The following SDSL variants were observed in gnomAD, a reference collection of about 807,000 sequenced individuals.
SDSL encodes the protein serine dehydratase-like.
SDSL carries 26 observed loss-of-function variants against 27.6 expected under a neutral mutation model. The observed-to-expected ratio is 0.94, with a 90% CI of 0.69 to 1.31. SDSL has a LOEUF of 1.31. SDSL is among the 50% of genes most tolerant of loss of function. The pLI, the probability that SDSL is intolerant of heterozygous loss-of-function variation, is 0.00. For synonymous variants in SDSL, 196 were observed against 180.6 expected, an observed-to-expected ratio of 1.09 and a Z score of -0.69; for missense variants, 431 against 423.5, an observed-to-expected ratio of 1.02 and a Z score of -0.16.
intron 1 of SDSL, chr12:113,426,015 C>G (rs917172846): frequency 7.8e-6 from 3 of 383,184 alleles, no homozygotes; most frequent in African/African-American, 6.3e-5. Flanking sequence ...CCAACACCAC[C>G]ACCACCTCCA....
At position 113,429,278 on chromosome 12, in the gene SDSL, C is replaced by G. The variant is rs758385489; in HGVS notation, c.333C>G (p.Ala111=). 1 of 1,611,470 alleles carries G rather than the reference C, an allele frequency of 6.2e-7. No homozygotes were observed. The highest frequency in any genetic ancestry group is 8.5e-7 in the Non-Finnish European group (1 of 1,178,044). ...TGCAGAGGCTGCAGGGGGAGGGGGC[C>G]GAGGTTCAGCTGACTGGAAAGGTAA... ...QVVQRLQGEG[A]EVQLTGKVWD... Residue 111 remains alanine (A), a synonymous_variant, in exon 4 of 8, where the codon GCC becomes GCG. Transcript: ENST00000403593.
At chr12:113,432,268 CTTTCTTTCTTTCTTTCTTTCTT>C (rs1404922968) in intron 4 of SDSL, among the ~76,000 whole-genome samples, 107 of 140,506 alleles carry the variant, frequency 7.6e-4, no homozygotes, top group Middle Eastern at 3.6e-3. Flanking sequence ...TTCTTTCTTT[CTTTCTTTCTTTCTTTCTTTCTT>C]TCTCTCTCTC....
chr12:113,435,204 G>A (rs1957972733), intron 5 of SDSL, 125 bp from the exon 6 acceptor site: 1 of 576,902 alleles, frequency 1.7e-6, no homozygotes, highest in Admixed American at 3.3e-5. Flanking sequence ...GATGGGGATG[G>A]TGGGGAGGGG....
At chr12:113,422,830 G>C (rs1356048904) in intron 1 of SDSL, 1 of 152,334 alleles carries the variant, frequency 6.6e-6, no homozygotes, top group African/African-American at 2.4e-5. Flanking sequence ...GAAAGGCTTT[G>C]GGGACAAGTG....
At chr12:113,426,008 ACAC>A in intron 1 of SDSL, 3 of 381,174 alleles carry the variant, frequency 7.9e-6, no homozygotes, top group Admixed American at 3.0e-5. Context: ...ACCACCACCA[ACAC>A]CACCACCACC....
In SDSL at chr12:113,426,039, A is replaced by G. The variant is rs553479520; in HGVS notation, c.-21-1923A>G. 1.1e-4 allele frequency: 42 copies of G among 398,080 alleles called. 1 individual carries two copies. Among genetic ancestry groups the G allele is most frequent in the South Asian group, 7.5e-4 (41 of 54,746 alleles). 24.7% of individuals were successfully genotyped at this position (398,080 alleles called of 1,614,324 possible). On this transcript the variant is annotated intron_variant, in intron 1 of 7. Coordinates refer to ENST00000403593, the MANE Select transcript of SDSL (RefSeq NM_001304993.2). ...CCACCACCTCCACCACCACCTCCCAATGGCTTTCCATTGCAGGTAGAATTT... is the reference window on the plus strand; with the variant it reads ...CCACCACCTCCACCACCACCTCCCAGTGGCTTTCCATTGCAGGTAGAATTT...
intron 4 of SDSL, among the ~76,000 whole-genome samples, chr12:113,431,407 G>A (rs1450629721): frequency 1.3e-5 from 2 of 152,190 alleles, no homozygotes; most frequent in African/African-American, 2.4e-5. Flanking sequence ...CCCTACAGGT[G>A]AGAGATGTCA....
intron 3 of SDSL, among the ~76,000 whole-genome samples, chr12:113,428,921 T>G (rs909626512): frequency 3.6e-5 from 5 of 140,538 alleles, no homozygotes; most frequent in African/African-American, 1.3e-4. Context: ...CCTGGAATTG[T>G]TTTTTTTTTT....
rs186088585 is a variant in SDSL at position 113,429,267 on chromosome 12, G to A, written c.322G>A (p.Gly108Arg). The A allele has an allele frequency of 3.7e-6, 6 of 1,613,150 alleles. No individual in the cohort carries two copies. In the South Asian group the frequency reaches 5.5e-5, roughly 15 times the overall value. Residue 108 changes from glycine (G) to arginine (R), a missense_variant, in exon 4 of 8, where the codon GGG becomes AGG. Physicochemically the swap from Gly to Arg is moderately radical, Grantham distance 125 (BLOSUM62 -2). Coordinates refer to ENST00000403593, the MANE Select transcript of SDSL (RefSeq NM_001304993.2). ...TSLQVVQRLQ[G>R]EGAEVQLTGK... ...CCTGCAGGTGGTGCAGAGGCTGCAG[G>A]GGGAGGGGGCCGAGGTTCAGCTGAC...
At chr12:113,436,436 GCAC>G (rs1406319333) in intron 6 of SDSL, among the ~76,000 whole-genome samples, 1 of 152,034 alleles carries the variant, frequency 6.6e-6, no homozygotes, top group Non-Finnish European at 1.5e-5. Context: ...TTACAGGCAT[GCAC>G]CACCACACCC....
At chr12:113,427,888 C>A in intron 1 of SDSL, 74 bp from the exon 2 acceptor site, 2 of 1,387,624 alleles carry the variant, frequency 1.4e-6, no homozygotes, top group Non-Finnish European at 1.9e-6. Context: ...CTTTCTCCAC[C>A]TTCCCCTCCC....
In SDSL at chr12:113,438,166, C is replaced by A; in HGVS notation, c.*87C>A. The stretch of plus-strand genomic sequence containing the variant: ...AGGAGGACTCAGTGCTGGCAGATGG[C>A]AGTGGAAGCTGCCCTGTGCAACTGT... On this transcript the variant is annotated 3_prime_UTR_variant, in exon 8 of 8. Coordinates refer to ENST00000403593, the MANE Select transcript of SDSL (RefSeq NM_001304993.2). 2.5e-6 allele frequency: 3 copies of A among 1,200,924 alleles called. No individual in the cohort carries two copies. Among genetic ancestry groups the A allele is most frequent in the Admixed American group, 2.2e-5 (1 of 44,900 alleles). 74.4% of individuals were successfully genotyped at this position (1,200,924 alleles called of 1,614,324 possible).
intron 7 of SDSL, among the ~76,000 whole-genome samples, chr12:113,437,416 G>T (rs765441790): frequency 3.9e-5 from 6 of 152,208 alleles, no homozygotes; most frequent in Non-Finnish European, 7.4e-5. Context: ...GGAAAGGTGG[G>T]TAATGGATAG....
chr12:113,432,249 TTTCTTTCTTTCTTTCTTTC>T (rs1319358470), intron 4 of SDSL, among the ~76,000 whole-genome samples: 3 of 141,548 alleles, frequency 2.1e-5, no homozygotes, highest in Non-Finnish European at 4.5e-5. Context: ...TCTTTCTTTC[TTTCTTTCTTTCTTTCTTTC>T]TTTCTTTCTT....
In SDSL at chr12:113,427,992, C is replaced by T. The variant is rs1449482492; in HGVS notation, c.10C>T (p.Pro4Ser). The T allele has an allele frequency of 1.9e-6, 3 of 1,611,614 alleles. No homozygotes were observed. The highest frequency in any genetic ancestry group is 2.5e-6 in the Non-Finnish European group (3 of 1,179,088). The change falls in exon 2 of 8, where the codon CCT becomes TCT. Residue 4 changes from proline (P) to serine (S), a missense_variant. Physicochemically the swap from Pro to Ser is moderately conservative, Grantham distance 74. Coordinates refer to ENST00000403593, the MANE Select transcript of SDSL (RefSeq NM_001304993.2). MDG[P>S]VAEHAKQEPF... ...CTACCTGGTCTCCAGAATGGACGGC[C>T]CTGTGGCAGAGCATGCCAAGCAGGA...
chr12:113,436,197 C>T (rs780540002), intron 6 of SDSL, among the ~76,000 whole-genome samples: 82 of 152,066 alleles, frequency 5.4e-4, no homozygotes, highest in Non-Finnish European at 1.6e-4. Context: ...AGGACCCACC[C>T]TAATCCAGTA....
intron 4 of SDSL, 30 bp downstream of exon 4, chr12:113,429,329 T>C: frequency 6.3e-7 from 1 of 1,588,386 alleles, no homozygotes; most frequent in South Asian, 1.1e-5. Flanking sequence ...GAGAACCATC[T>C]GGGTGGGCTG....
intron 1 of SDSL, among the ~76,000 whole-genome samples, chr12:113,425,412 C>T (rs143479032): frequency 1.6e-4 from 25 of 152,266 alleles, no homozygotes; most frequent in African/African-American, 2.4e-4. Context: ...TGGGGTCAAA[C>T]TCAGGGCCAA....
At chr12:113,428,533 C>A (rs1957879023) in intron 3 of SDSL, 74 bp downstream of exon 3, 10 of 1,372,680 alleles carry the variant, frequency 7.3e-6, no homozygotes, top group Non-Finnish European at 1.0e-5. Flanking sequence ...AGTACACATC[C>A]AGGGTTGGTC....
Sources: allele counts gnomAD v4.1 joint callset (sites outside exome capture counted in the v4.1 genomes callset), GRCh38; gene constraint gnomAD v4.1.1; transcripts MANE v1.5; gene names NCBI Gene and HGNC (gene_info 2026-07-23, HGNC 2026-07-21).